Variants in FRMD4A observed in about 807,000 individuals in gnomAD.
The protein encoded by FRMD4A is FERM domain-containing protein 4A.
In FRMD4A, 29 loss-of-function variants were observed where a neutral mutation model predicts 129.1. The ratio of observed to expected loss-of-function variants is 0.22; its 90% CI spans 0.17 to 0.31. FRMD4A has a LOEUF of 0.31. Ranked by LOEUF, FRMD4A falls within the 10% of genes least tolerant of loss-of-function variation. The probability of loss-of-function intolerance (pLI) is 1.00; values close to 1 mark genes in which losing one functional copy is unlikely to be tolerated. For missense variants in FRMD4A, 1,272 were observed against 1,375.8 expected (o/e 0.92, Z 1.19); for synonymous variants, 634 against 571.6 (o/e 1.11, Z -1.56).
At chr10:13,869,998 G>GTAT (rs2094421405) in intron 2 of FRMD4A, among the ~76,000 whole-genome samples, 1 of 152,222 alleles carries the variant, frequency 6.6e-6, no homozygotes, top group Admixed American at 6.5e-5. Context: ...GCACTGGATT[G>GTAT]TATTATTATT....
intron 3 of FRMD4A, among the ~76,000 whole-genome samples, chr10:13,840,439 C>T (rs944149723): frequency 3.3e-5 from 5 of 152,182 alleles, no homozygotes; most frequent in African/African-American, 1.2e-4. Context: ...TTAAGCCACC[C>T]AGTCTATGGG....
chr10:14,205,000 G>A (rs1240301485), intron 2 of FRMD4A, among the ~76,000 whole-genome samples: 1 of 151,474 alleles, frequency 6.6e-6, no homozygotes, highest in Non-Finnish European at 1.5e-5. Context: ...CACCCCACGT[G>A]TCTCTGCCTT....
At chr10:13,722,711 G>A (rs17153800) in intron 12 of FRMD4A, among the ~76,000 whole-genome samples, 40,075 of 152,150 alleles carry the variant, frequency 0.26, 5,958 homozygotes, top group African/African-American at 0.4. Flanking sequence ...TATCACTAGA[G>A]AGGGCCATGA....
intron 3 of FRMD4A, among the ~76,000 whole-genome samples, chr10:13,852,543 C>T (rs2094154235): frequency 6.6e-6 from 1 of 151,900 alleles, no homozygotes; most frequent in South Asian, 2.1e-4. Flanking sequence ...ATTTTTTTAG[C>T]CATATTTAAA....
intron 2 of FRMD4A, among the ~76,000 whole-genome samples, chr10:14,133,114 AT>A (rs1379295961): frequency 6.6e-6 from 1 of 152,246 alleles, no homozygotes; most frequent in Admixed American, 6.5e-5. Flanking sequence ...AAGGAAGTGC[AT>A]TTTTGATAAA....
At chr10:13,845,729 A>G (rs994421093) in intron 3 of FRMD4A, among the ~76,000 whole-genome samples, 3 of 152,178 alleles carry the variant, frequency 2.0e-5, no homozygotes, top group South Asian at 2.1e-4. Flanking sequence ...TCTATGAGGC[A>G]GGTACTAGTT....
At chr10:14,123,275 C>T (rs1270267955) in intron 2 of FRMD4A, among the ~76,000 whole-genome samples, 1 of 152,178 alleles carries the variant, frequency 6.6e-6, no homozygotes, top group Non-Finnish European at 1.5e-5. Flanking sequence ...TAGTTCGAAC[C>T]AGTCCTGTTC....
At chr10:14,114,331 T>C (rs1838088278) in intron 2 of FRMD4A, among the ~76,000 whole-genome samples, 1 of 151,956 alleles carries the variant, frequency 6.6e-6, no homozygotes. Context: ...CCAGCTGGGG[T>C]CCCAGGGCTC....
At chr10:13,700,898 C>T (rs1205664340) in intron 14 of FRMD4A, among the ~76,000 whole-genome samples, 5 of 140,232 alleles carry the variant, frequency 3.6e-5, no homozygotes, top group Admixed American at 7.9e-5. Context: ...CAGTTGGAAC[C>T]GCCTGAGGGT....
At chr10:13,810,128 C>T (rs1205144087) in intron 4 of FRMD4A, among the ~76,000 whole-genome samples, 1 of 152,142 alleles carries the variant, frequency 6.6e-6, no homozygotes, top group African/African-American at 2.4e-5. Context: ...TACGTGTGTG[C>T]ACAGAGGAAA....
intron 15 of FRMD4A, among the ~76,000 whole-genome samples, chr10:13,691,738 G>A (rs1439816050): frequency 6.6e-6 from 1 of 152,148 alleles, no homozygotes; most frequent in Non-Finnish European, 1.5e-5. Flanking sequence ...CAGATTCCCT[G>A]TGCTAAGGGG....
intron 3 of FRMD4A, among the ~76,000 whole-genome samples, chr10:13,844,988 T>A (rs2094022394): frequency 6.6e-6 from 1 of 152,208 alleles, no homozygotes; most frequent in South Asian, 2.1e-4. Context: ...ACAGTGTGCC[T>A]TCAGTACAGA....
intron 4 of FRMD4A, among the ~76,000 whole-genome samples, chr10:13,799,022 A>C (rs2093190561): frequency 6.6e-6 from 1 of 152,066 alleles, no homozygotes; most frequent in African/African-American, 2.4e-5. Flanking sequence ...AAGTCTTCCC[A>C]CACCACACAC....
At chr10:14,142,285 TC>T (rs1839877472) in intron 2 of FRMD4A, among the ~76,000 whole-genome samples, 1 of 152,208 alleles carries the variant, frequency 6.6e-6, no homozygotes, top group African/African-American at 2.4e-5. Context: ...GGTGACAGTC[TC>T]CAAGTTGTTG....
At chr10:14,159,004 T>A (rs181171064) in intron 2 of FRMD4A, among the ~76,000 whole-genome samples, 2 of 152,128 alleles carry the variant, frequency 1.3e-5, no homozygotes, top group East Asian at 3.9e-4. Context: ...AAGGAGAGTA[T>A]ATAAAGGCAA....
intron 2 of FRMD4A, among the ~76,000 whole-genome samples, chr10:14,012,015 A>G (rs2095684191): frequency 6.6e-6 from 1 of 150,978 alleles, no homozygotes; most frequent in South Asian, 2.1e-4. Flanking sequence ...TCTGTCTCAA[A>G]GGAAAAAAAA....
intron 2 of FRMD4A, among the ~76,000 whole-genome samples, chr10:14,170,483 CA>C (rs1841419401): frequency 6.6e-6 from 1 of 152,104 alleles, no homozygotes; most frequent in Admixed American, 6.5e-5. Context: ...ATCTGAAGTA[CA>C]GCGCAGGATA....
At chr10:13,898,843 G>C (rs1319632439) in intron 2 of FRMD4A, among the ~76,000 whole-genome samples, 1 of 152,116 alleles carries the variant, frequency 6.6e-6, no homozygotes, top group Non-Finnish European at 1.5e-5. Flanking sequence ...CCTTTTCCAG[G>C]GCAACCTTGA....
At chr10:13,845,674 T>G (rs2094034973) in intron 3 of FRMD4A, among the ~76,000 whole-genome samples, 1 of 152,100 alleles carries the variant, frequency 6.6e-6, no homozygotes, top group Non-Finnish European at 1.5e-5. Flanking sequence ...CAGACAGTCT[T>G]GGGGGCGCTT....
Sources: gnomAD v4.1 joint callset for allele counts (sites outside exome capture counted in the v4.1 genomes callset) on GRCh38, gnomAD v4.1.1 for gene constraint, MANE v1.5 for transcripts, NCBI Gene and HGNC (gene_info 2026-07-23, HGNC 2026-07-21) for gene names.